RHOB: variants seen among roughly 807,000 people sequenced by gnomAD.
RHOB encodes the protein rho-related GTP-binding protein RhoB.
In RHOB, 6 loss-of-function variants were observed where a neutral mutation model predicts 12.9. The ratio of observed to expected loss-of-function variants is 0.47; its 90% CI spans 0.25 to 0.92. The LOEUF (loss-of-function observed/expected upper bound fraction) is 0.92, where lower values mean the gene tolerates loss of function less well. Among genes scored for constraint, RHOB ranks in the 40% least tolerant of loss-of-function variants. The pLI is 0.16. For synonymous variants in RHOB, 168 were observed against 122.1 expected (o/e 1.38, Z -2.48); for missense variants, 142 against 277.9 (o/e 0.51, Z 3.48).
rs543503259 is a variant in RHOB, at chr2:20,448,228, C to G, written c.*172C>G. 1.6e-3 allele frequency: 1,010 copies of G among 640,722 alleles called. 2 individuals carry two copies. The highest frequency in any genetic ancestry group is 4.3e-3 in the Middle Eastern group (10 of 2,314). The allele number at this position is 640,722 out of a possible 1,614,324, so 39.7% of individuals were successfully genotyped here. The stretch of plus-strand genomic sequence containing the variant: ...CAGGACTTGGCGTGGGCACCGGGCG[C>G]CCCCATCCCAGTGTCTGTGTGCGTC... On this transcript the variant is annotated 3_prime_UTR_variant, in exon 1 of 1. Coordinates refer to ENST00000272233, the MANE Select transcript of RHOB (RefSeq NM_004040.4).
Position 20,447,707 on chromosome 2 carries a change from T to A in RHOB, c.242T>A (p.Leu81His). The change falls in exon 1 of 1, where the codon CTC becomes CAC. Residue 81 changes from leucine (L) to histidine (H), a missense_variant. By Grantham distance (99) the Leu-to-His change is moderately conservative. Coordinates refer to ENST00000272233, the MANE Select transcript of RHOB (RefSeq NM_004040.4). ...PLSYPDTDVI[L>H]MCFSVDSPDS... Reference sequence around the variant, plus strand: ...TCCTACCCGGACACCGACGTCATTCTCATGTGCTTCTCGGTGGACAGCCCG... The same window carrying A: ...TCCTACCCGGACACCGACGTCATTCACATGTGCTTCTCGGTGGACAGCCCG... The A allele has an allele frequency of 6.2e-7, 1 of 1,613,630 alleles. No individual in the cohort carries two copies. Among genetic ancestry groups the A allele is most frequent in the South Asian group, 1.1e-5 (1 of 91,072 alleles).
chr2:20,447,114 C>G lies in RHOB; in HGVS notation c.-352C>G, dbSNP rs1353827024. ...CTGGTTGGAGCTGTTGTCTTGTATG[C>G]TCAGCGAGGCCCGGAGAGACCCGGG... is the stretch of plus-strand genomic sequence containing the variant. On this transcript the variant is annotated 5_prime_UTR_variant, in exon 1 of 1. Transcript: ENST00000272233. The G allele has an allele frequency of 6.2e-5, 14 of 227,164 alleles. No individual in the cohort carries two copies. In the Admixed American group the frequency reaches 6.9e-4, roughly 11 times the overall value. The allele number at this position is 227,164 out of a possible 1,614,324, so 14.1% of individuals were successfully genotyped here.
chr2:20,448,477 C>A lies in RHOB; in HGVS notation c.*421C>A, dbSNP rs553639534. On this transcript the variant is annotated 3_prime_UTR_variant, in exon 1 of 1. Coordinates refer to ENST00000272233, the MANE Select transcript of RHOB (RefSeq NM_004040.4). ...CCTTCACCAGCGGGAGCTTGATATC[C>A]CTTGTCTGTAACATAGACCCCGGGT... 2.7e-4 allele frequency: 52 copies of A among 195,000 alleles called. No homozygotes were observed. The highest frequency in any genetic ancestry group is 1.3e-4 in the Non-Finnish European group (11 of 85,754). 12.1% of individuals were successfully genotyped at this position (195,000 alleles called of 1,614,324 possible).
At position 20,448,271 on chromosome 2, in the gene RHOB, C is replaced by T; in HGVS notation, c.*215C>T. 1.7e-6 allele frequency: 1 copy of T among 597,052 alleles called. No homozygotes were observed. Among genetic ancestry groups the T allele is most frequent in the South Asian group, 2.1e-5 (1 of 47,364 alleles). 37.0% of individuals were successfully genotyped at this position (597,052 alleles called of 1,614,324 possible). A position where few individuals can be genotyped will look rare whatever the true frequency, so the allele number is the denominator to read the frequency against. On this transcript the variant is annotated 3_prime_UTR_variant, in exon 1 of 1. Coordinates refer to ENST00000272233, the MANE Select transcript of RHOB (RefSeq NM_004040.4). The stretch of plus-strand genomic sequence containing the variant: ...TGTGCGTCCAGCTGTGTTGCACAGG[C>T]CTGGGCTCCCCACTGAGTGCCAAGG...
rs1691019495 is a variant in RHOB at position 20,447,421 on chromosome 2, G to A, written c.-45G>A. 2 of 1,482,936 alleles carry A rather than the reference G, an allele frequency of 1.3e-6. No homozygotes were observed. Among genetic ancestry groups the A allele is most frequent in the South Asian group, 2.5e-5 (2 of 79,978 alleles). The allele number at this position is 1,482,936 out of a possible 1,614,324, so 91.9% of individuals were successfully genotyped here. A position where few individuals can be genotyped will look rare whatever the true frequency, so the allele number is the denominator to read the frequency against. ...AGTGAGCGGCGAGCGGGAGGGCAGCGAGGCGTTCGCGGGCCCCCTCCTGCT... is the reference window on the plus strand; with the variant it reads ...AGTGAGCGGCGAGCGGGAGGGCAGCAAGGCGTTCGCGGGCCCCCTCCTGCT... On this transcript the variant is annotated 5_prime_UTR_variant, in exon 1 of 1. Coordinates refer to ENST00000272233, the MANE Select transcript of RHOB (RefSeq NM_004040.4).
chr2:20,447,687 C>T lies in RHOB; in HGVS notation c.222C>T (p.Tyr74=). ...EDYDRLRPLS[Y]PDTDVILMCF... ...ACGACCGCCTGCGGCCGCTCTCCTA[C>T]CCGGACACCGACGTCATTCTCATGT... The change falls in exon 1 of 1, where the codon TAC becomes TAT. Residue 74 remains tyrosine (Y), a synonymous_variant. Coordinates refer to ENST00000272233, the MANE Select transcript of RHOB (RefSeq NM_004040.4). The T allele has an allele frequency of 1.2e-6, 2 of 1,613,842 alleles. No homozygotes were observed. The highest frequency in any genetic ancestry group is 1.7e-6 in the Non-Finnish European group (2 of 1,179,906).
At position 20,448,273 on chromosome 2, in the gene RHOB, T is replaced by G; in HGVS notation, c.*217T>G. 1.7e-6 allele frequency: 1 copy of G among 596,146 alleles called. No homozygotes were observed. 36.9% of individuals were successfully genotyped at this position (596,146 alleles called of 1,614,324 possible). On this transcript the variant is annotated 3_prime_UTR_variant, in exon 1 of 1. Transcript: ENST00000272233. The stretch of plus-strand genomic sequence containing the variant: ...TGCGTCCAGCTGTGTTGCACAGGCC[T>G]GGGCTCCCCACTGAGTGCCAAGGGT...
rs773050541 is a variant in RHOB at position 20,447,420 on chromosome 2, C to T, written c.-46C>T. 4.1e-6 allele frequency: 6 copies of T among 1,478,442 alleles called. No individual in the cohort carries two copies. Among genetic ancestry groups the T allele is most frequent in the African/African-American group, 2.8e-5 (2 of 71,968 alleles). 91.6% of individuals were successfully genotyped at this position (1,478,442 alleles called of 1,614,324 possible). The stretch of plus-strand genomic sequence containing the variant: ...CAGTGAGCGGCGAGCGGGAGGGCAG[C>T]GAGGCGTTCGCGGGCCCCCTCCTGC... On this transcript the variant is annotated 5_prime_UTR_variant, in exon 1 of 1. Coordinates refer to ENST00000272233, the MANE Select transcript of RHOB (RefSeq NM_004040.4).
Position 20,447,464 on chromosome 2 carries a change from T to A in RHOB, c.-2T>A. On this transcript the variant is annotated 5_prime_UTR_variant, in exon 1 of 1. Coordinates refer to ENST00000272233, the MANE Select transcript of RHOB (RefSeq NM_004040.4). ...CTCCTGCTGCCCGGGCCCGGCCCGC[T>A]CATGGCGGCCATCCGCAAGAAGCTG... The A allele has an allele frequency of 6.2e-7, 1 of 1,604,504 alleles. No individual in the cohort carries two copies. Among genetic ancestry groups the A allele is most frequent in the Non-Finnish European group, 8.5e-7 (1 of 1,174,962 alleles).
chr2:20,448,065 C>T lies in RHOB; in HGVS notation c.*9C>T, dbSNP rs1419886688. On this transcript the variant is annotated 3_prime_UTR_variant, in exon 1 of 1. Coordinates refer to ENST00000272233, the MANE Select transcript of RHOB (RefSeq NM_004040.4). ...GCTGCAAGGTGCTATGAGGGCCGCG[C>T]CCGTCGCGCCTGCCCCTGCCGGCAC... 1 of 1,595,658 alleles carries T rather than the reference C, an allele frequency of 6.3e-7. No individual in the cohort carries two copies. The highest frequency in any genetic ancestry group is 1.3e-5 in the African/African-American group (1 of 74,624).
Position 20,447,610 on chromosome 2 carries a change from G to A in RHOB, c.145G>A (p.Asp49Asn). Residue 49 changes from aspartate to asparagine, a missense_variant, in exon 1 of 1, where the codon GAC (aspartate) becomes AAC (asparagine). By Grantham distance (23) the Asp-to-Asn change is conservative (BLOSUM62 1). Transcript: ENST00000272233. ...FENYVADIEV[D>N]GKQVELALWD... ...GAACTATGTGGCCGACATTGAGGTG[G>A]ACGGCAAGCAGGTGGAGCTGGCGCT... 6.2e-7 allele frequency: 1 copy of A among 1,614,114 alleles called. No individual in the cohort carries two copies. The highest frequency in any genetic ancestry group is 1.3e-5 in the African/African-American group (1 of 75,038).
rs758687374 is a variant in RHOB at position 20,448,091 on chromosome 2, G to C, written c.*35G>C. The C allele has an allele frequency of 6.4e-7, 1 of 1,554,640 alleles. No individual in the cohort carries two copies. The highest frequency in any genetic ancestry group is 1.7e-5 in the Admixed American group (1 of 57,642). On this transcript the variant is annotated 3_prime_UTR_variant, in exon 1 of 1. Coordinates refer to ENST00000272233, the MANE Select transcript of RHOB (RefSeq NM_004040.4). The stretch of plus-strand genomic sequence containing the variant: ...CCGTCGCGCCTGCCCCTGCCGGCAC[G>C]GCTCCCCCTCCTGGACCAGTCCCCC...
chr2:20,447,739 C>G lies in RHOB; in HGVS notation c.274C>G (p.Leu92Val). Reference protein sequence around the residue: ...MCFSVDSPDSLENIPEKWVPE... With the variant: ...MCFSVDSPDSVENIPEKWVPE... ...CTTCTCGGTGGACAGCCCGGACTCG[C>G]TGGAGAACATCCCCGAGAAGTGGGT... Residue 92 changes from leucine to valine, a missense_variant, in exon 1 of 1, where the codon CTG becomes GTG. Coordinates refer to ENST00000272233, the MANE Select transcript of RHOB (RefSeq NM_004040.4). The G allele has an allele frequency of 6.2e-7, 1 of 1,609,500 alleles. No homozygotes were observed. The highest frequency in any genetic ancestry group is 8.5e-7 in the Non-Finnish European group (1 of 1,178,284).
rs765034772 is a variant in RHOB at position 20,447,944 on chromosome 2, C to G, written c.479C>G (p.Ser160Cys). The G allele has an allele frequency of 1.2e-6, 2 of 1,613,126 alleles. No homozygotes were observed. The highest frequency in any genetic ancestry group is 1.7e-6 in the Non-Finnish European group (2 of 1,180,008). ...RIQAYDYLECSAKTKEGVREV... is the reference protein window; with the variant it reads ...RIQAYDYLECCAKTKEGVREV... ...CAAGCCTACGACTACCTCGAGTGCTCTGCCAAGACCAAGGAAGGCGTGCGC... is the reference window on the plus strand; with the variant it reads ...CAAGCCTACGACTACCTCGAGTGCTGTGCCAAGACCAAGGAAGGCGTGCGC... Residue 160 changes from serine (S) to cysteine (C), a missense_variant, in exon 1 of 1, where the codon TCT becomes TGT. By Grantham distance (112) the Ser-to-Cys change is moderately radical. Coordinates refer to ENST00000272233, the MANE Select transcript of RHOB (RefSeq NM_004040.4).
At position 20,448,476 on chromosome 2, in the gene RHOB, C is replaced by G. The variant is rs1227391330; in HGVS notation, c.*420C>G. ...CCCTTCACCAGCGGGAGCTTGATAT[C>G]CCTTGTCTGTAACATAGACCCCGGG... On this transcript the variant is annotated 3_prime_UTR_variant, in exon 1 of 1. Transcript: ENST00000272233. The G allele has an allele frequency of 5.1e-6, 1 of 194,990 alleles. No homozygotes were observed. Among genetic ancestry groups the G allele is most frequent in the African/African-American group, 2.4e-5 (1 of 42,142 alleles). The allele number at this position is 194,990 out of a possible 1,614,324, so 12.1% of individuals were successfully genotyped here.
Position 20,447,615 on chromosome 2 carries a change from C to T in RHOB, c.150C>T (p.Gly50=), listed in dbSNP as rs1268839894. ...ATGTGGCCGACATTGAGGTGGACGG[C>T]AAGCAGGTGGAGCTGGCGCTGTGGG... ...ENYVADIEVD[G]KQVELALWDT... is the part of the protein sequence containing the mutation. The change falls in exon 1 of 1, where the codon GGC becomes GGT. Residue 50 remains glycine, a synonymous_variant. Transcript: ENST00000272233. The T allele has an allele frequency of 1.2e-6, 2 of 1,613,958 alleles. No individual in the cohort carries two copies. The highest frequency in any genetic ancestry group is 1.7e-6 in the Non-Finnish European group (2 of 1,180,024).
chr2:20,447,573 C>T lies in RHOB; in HGVS notation c.108C>T (p.Pro36=), dbSNP rs376971291. ...ACGAGTTCCCCGAGGTGTACGTGCCCACCGTCTTCGAGAACTATGTGGCCG... is the reference window on the plus strand; with the variant it reads ...ACGAGTTCCCCGAGGTGTACGTGCCTACCGTCTTCGAGAACTATGTGGCCG... ...SKDEFPEVYV[P]TVFENYVADI... The change falls in exon 1 of 1, where the codon CCC becomes CCT. Residue 36 remains proline, a synonymous_variant. Coordinates refer to ENST00000272233, the MANE Select transcript of RHOB (RefSeq NM_004040.4). 32 of 1,614,038 alleles carry T rather than the reference C, an allele frequency of 2.0e-5. No individual in the cohort carries two copies. The highest frequency in any genetic ancestry group is 2.7e-5 in the African/African-American group (2 of 74,952).
At position 20,449,240 on chromosome 2, in the gene RHOB, A is replaced by C. The variant is rs1161133569; in HGVS notation, c.*1184A>C. On this transcript the variant is annotated 3_prime_UTR_variant, in exon 1 of 1. Coordinates refer to ENST00000272233, the MANE Select transcript of RHOB (RefSeq NM_004040.4). Reference sequence around the variant, plus strand: ...TTTTCTCTGCACCTCTGTACAGAGAATACACCTGCCCCTGTATATCCTTTT... The same window carrying C: ...TTTTCTCTGCACCTCTGTACAGAGACTACACCTGCCCCTGTATATCCTTTT... 15 of 166,922 alleles carry C rather than the reference A, an allele frequency of 9.0e-5. No homozygotes were observed. The highest frequency in any genetic ancestry group is 1.5e-5 in the Non-Finnish European group (1 of 68,076). The allele number at this position is 166,922 out of a possible 1,614,324, so 10.3% of individuals were successfully genotyped here.
In RHOB at chr2:20,448,706, G is replaced by C. The variant is rs1573125107; in HGVS notation, c.*650G>C. The C allele has an allele frequency of 6.0e-6, 1 of 167,168 alleles. No individual in the cohort carries two copies. The highest frequency in any genetic ancestry group is 6.5e-5 in the Admixed American group (1 of 15,292). The allele number at this position is 167,168 out of a possible 1,614,324, so 10.4% of individuals were successfully genotyped here. ...TGGGGAAGACATTTGCAACTGACTT[G>C]GGGAGGACACAGCTTCAGCACAGCC... On this transcript the variant is annotated 3_prime_UTR_variant, in exon 1 of 1. Coordinates refer to ENST00000272233, the MANE Select transcript of RHOB (RefSeq NM_004040.4).
Sources: gnomAD v4.1 joint callset for allele counts on GRCh38, gnomAD v4.1.1 for gene constraint, MANE v1.5 for transcripts, NCBI Gene and HGNC (gene_info 2026-07-23, HGNC 2026-07-21) for gene names.